The following ATP6V1E2 variants were observed in gnomAD, a reference collection of about 807,000 sequenced individuals.
ATP6V1E2 encodes ATPase H+ transporting V1 subunit E2, also known as V-type proton ATPase subunit E 2.
For synonymous variants in ATP6V1E2, 121 were observed against 104.2 expected (o/e 1.16, Z -0.98); for missense variants, 308 against 273.3 (o/e 1.13, Z -0.90).
At chr2:46,534,747 T>A (rs770045262) in intron 4 of ATP6V1E2, 2 of 123,100 alleles carry the variant, frequency 1.6e-5, no homozygotes. Context: ...CTTTTCGGCT[T>A]AGTTAGCCCT....
At chr2:46,517,148 T>C (rs1476300972) in intron 4 of ATP6V1E2, among the ~76,000 whole-genome samples, 3 of 152,004 alleles carry the variant, frequency 2.0e-5, no homozygotes, top group Non-Finnish European at 4.4e-5. Context: ...TATAGACCAA[T>C]GGAAAAGAAT....
intron 2 of ATP6V1E2, among the ~76,000 whole-genome samples, chr2:46,537,884 G>A (rs566138939): frequency 5.9e-5 from 9 of 152,142 alleles, no homozygotes; most frequent in East Asian, 1.9e-4. Flanking sequence ...AGTCAGTTGC[G>A]TGGTTAGGAA....
chr2:46,519,070 C>T (rs192358106), intron 4 of ATP6V1E2: 1 of 152,300 alleles, frequency 6.6e-6, no homozygotes, highest in East Asian at 1.9e-4. Context: ...CCCTTGCAGT[C>T]TGACCAGGCA....
intron 4 of ATP6V1E2, chr2:46,534,640 A>C (rs1319776424): frequency 6.6e-6 from 1 of 151,986 alleles, no homozygotes; most frequent in Admixed American, 6.6e-5. Flanking sequence ...AAAATGGTAA[A>C]ATTTGTTTTG....
intron 4 of ATP6V1E2, among the ~76,000 whole-genome samples, chr2:46,513,766 A>C (rs1436795434): frequency 6.6e-6 from 1 of 152,114 alleles, no homozygotes; most frequent in Non-Finnish European, 1.5e-5. Context: ...CAGAGGTTGC[A>C]GTGAGCTGAG....
intron 4 of ATP6V1E2, among the ~76,000 whole-genome samples, chr2:46,533,248 T>C (rs1227968566): frequency 7.7e-6 from 1 of 130,332 alleles, no homozygotes; most frequent in Non-Finnish European, 1.7e-5. Context: ...GATAGATAGA[T>C]AGATAGAATG....
intron 3 of ATP6V1E2, 77 bp downstream of exon 3, chr2:46,536,534 A>G (rs1321054914): frequency 6.6e-6 from 1 of 152,504 alleles, no homozygotes; most frequent in Non-Finnish European, 1.5e-5. Flanking sequence ...GATTCTGGGC[A>G]TTGTGGTGGG....
chr2:46,533,311 T>A (rs1229770569), intron 4 of ATP6V1E2, among the ~76,000 whole-genome samples: 1 of 152,110 alleles, frequency 6.6e-6, no homozygotes, highest in Non-Finnish European at 1.5e-5. Flanking sequence ...TCTGGCTCTA[T>A]CACTCAGACT....
At chr2:46,533,565 T>C (rs773195218) in intron 4 of ATP6V1E2, among the ~76,000 whole-genome samples, 16 of 152,212 alleles carry the variant, frequency 1.1e-4, no homozygotes, top group Non-Finnish European at 2.2e-4. Flanking sequence ...TGAGCCACCA[T>C]ACCCGGCCAA....
chr2:46,542,116 T>C (rs1400789124), intron 1 of ATP6V1E2, 101 bp downstream of exon 1: 2 of 151,002 alleles, frequency 1.3e-5, no homozygotes, highest in African/African-American at 4.9e-5. Flanking sequence ...CGTGGGGTGG[T>C]GGTGGTGGGG....
intron 4 of ATP6V1E2, chr2:46,534,461 T>A (rs1265663619): frequency 2.0e-5 from 3 of 152,236 alleles, no homozygotes; most frequent in African/African-American, 7.2e-5. Flanking sequence ...TTTATTTTAA[T>A]TTTTTAAGTC....
intron 4 of ATP6V1E2, among the ~76,000 whole-genome samples, chr2:46,533,865 CT>C (rs1446714085): frequency 1.3e-5 from 2 of 152,088 alleles, no homozygotes; most frequent in Non-Finnish European, 2.9e-5. Flanking sequence ...CTTTCTTTTT[CT>C]TTTATCACTT....
At chr2:46,522,891 T>C (rs371852158) in intron 4 of ATP6V1E2, among the ~76,000 whole-genome samples, 18 of 152,350 alleles carry the variant, frequency 1.2e-4, no homozygotes, top group Admixed American at 7.8e-4. Flanking sequence ...CTCTACGGCC[T>C]CACTGGCATC....
At chr2:46,527,411 C>T (rs1472452470) in intron 4 of ATP6V1E2, among the ~76,000 whole-genome samples, 2 of 152,104 alleles carry the variant, frequency 1.3e-5, no homozygotes, top group African/African-American at 4.8e-5. Context: ...TTAGTAGAGA[C>T]AGGGTTTCAC....
At position 46,512,784 on chromosome 2, in the gene ATP6V1E2, G is replaced by T. The variant is rs1160393934; in HGVS notation, c.-73C>A. 6.0e-6 allele frequency: 8 copies of T among 1,341,198 alleles called. No homozygotes were observed. The East Asian group carries it at 1.9e-4, about 32-fold the overall frequency. 83.1% of individuals were successfully genotyped at this position (1,341,198 alleles called of 1,614,324 possible). ...GCTCCTTTGACTTAGGACAATTTCA[G>T]GAGTGTCTCTGGAGTTCCACTTTCT... On this transcript the variant is annotated 5_prime_UTR_variant, in exon 5 of 5. The change creates a new upstream start codon in the 5' untranslated region. Transcript: ENST00000522587.
Position 46,522,551 on chromosome 2 carries a change from C to A in ATP6V1E2, c.-101-9739G>T, listed in dbSNP as rs1377387937. ...ATGATGGCTTCCAGCTTCATCCATG[C>A]CCCTGTAAAGGATATGATCTCATTC... is the stretch of plus-strand genomic sequence containing the variant. On this transcript the variant is annotated intron_variant, in intron 4 of 4. Coordinates refer to ENST00000522587, the MANE Select transcript of ATP6V1E2 (RefSeq NM_001318063.2). Among the ~76,000 whole-genome samples the A allele has an allele frequency of 1.3e-5, 2 of 152,124 alleles. 1 individual carries two copies. The highest frequency in any genetic ancestry group is 2.9e-5 in the Non-Finnish European group (2 of 68,010).
intron 4 of ATP6V1E2, among the ~76,000 whole-genome samples, chr2:46,527,463 T>C (rs982778144): frequency 2.6e-5 from 4 of 152,144 alleles, no homozygotes; most frequent in Non-Finnish European, 5.9e-5. Context: ...CCTCGTGATC[T>C]GCCCACCTTG....
In ATP6V1E2 at chr2:46,512,202, C is replaced by T. The variant is rs1399874584; in HGVS notation, c.510G>A (p.Glu170=). 1.9e-6 allele frequency: 3 copies of T among 1,614,062 alleles called. No individual in the cohort carries two copies. The highest frequency in any genetic ancestry group is 1.1e-5 in the South Asian group (1 of 91,066). Reference sequence around the variant, plus strand: ...CAGCTGCATTCACAGCCAGGTATGCCTCTTTATCAATCTGGACCTCCACAT... The same window carrying T: ...CAGCTGCATTCACAGCCAGGTATGCTTCTTTATCAATCTGGACCTCCACAT... The part of the protein sequence containing the change: ...QKHVEVQIDK[E]AYLAVNAAGG... The change falls in exon 5 of 5, where the codon GAG becomes GAA. Residue 170 remains glutamate (E), a synonymous_variant. Coordinates refer to ENST00000522587, the MANE Select transcript of ATP6V1E2 (RefSeq NM_001318063.2).
intron 4 of ATP6V1E2, among the ~76,000 whole-genome samples, chr2:46,522,904 T>C (rs576042216): frequency 6.6e-6 from 1 of 152,330 alleles, no homozygotes; most frequent in South Asian, 2.1e-4. Context: ...CTGGCATCTA[T>C]TGTTTCCTGA....
Sources: gnomAD v4.1 joint callset for allele counts (sites outside exome capture counted in the v4.1 genomes callset) on GRCh38, gnomAD v4.1.1 for gene constraint, MANE v1.5 for transcripts, NCBI Gene and HGNC (gene_info 2026-07-23, HGNC 2026-07-21) for gene names.